Variants in RADIL observed in about 807,000 individuals in gnomAD.
RADIL encodes ras-associating and dilute domain-containing protein.
In RADIL, 99 loss-of-function variants were observed where a neutral mutation model predicts 97.6. The observed-to-expected ratio is 1.01, with a 90% CI of 0.86 to 1.20. The LOEUF (loss-of-function observed/expected upper bound fraction) is 1.20. Ranked by LOEUF, RADIL falls within the 50% of genes most tolerant of loss-of-function variation. The pLI is 0.00. For synonymous variants in RADIL, 803 were observed against 691.8 expected (o/e 1.16, Z -2.52); for missense variants, 1,765 against 1,498.9 (o/e 1.18, Z -2.93).
intron 2 of RADIL, among the ~76,000 whole-genome samples, chr7:4,846,974 G>A (rs1313353980): frequency 6.6e-6 from 1 of 151,932 alleles, no homozygotes; most frequent in South Asian, 2.1e-4. Context: ...GGGAAATGCA[G>A]AGGAAAACCA....
In RADIL at chr7:4,860,905, G is replaced by T. The variant is rs1783973321; in HGVS notation, c.535+16700C>A. On this transcript the variant is annotated intron_variant, in intron 2 of 14. Transcript: ENST00000399583. ...ACCTATCACTGGGATTTACTCTTGG[G>T]TCCCATACAGGCAAATTAAGATTCC... The T allele has an allele frequency of 1.9e-6, 3 of 1,614,170 alleles. No homozygotes were observed. In the South Asian group the frequency reaches 3.3e-5, roughly 18 times the overall value.
rs1048157416 is a variant in RADIL, at chr7:4,821,461, G to A, written c.1615+933C>T. 5.3e-5 allele frequency among the ~76,000 whole-genome samples: 8 copies of A among 152,154 alleles called. No homozygotes were observed. Among genetic ancestry groups the A allele is most frequent in the African/African-American group, 1.7e-4 (7 of 41,426 alleles). ...GACACATGAGCCGAAATCCTACCCC[G>A]GCTTCCGGGCCCGGCCCCATGCCAC... is the stretch of plus-strand genomic sequence containing the variant. On this transcript the variant is annotated intron_variant, in intron 6 of 14. Coordinates refer to ENST00000399583, the MANE Select transcript of RADIL (RefSeq NM_018059.5). The surrounding 1 kb of genome is among the most constrained non-coding windows in gnomAD (Gnocchi z 5.2).
intron 2 of RADIL, chr7:4,838,102 A>G (rs1253174172): frequency 2.1e-6 from 2 of 968,060 alleles, no homozygotes; most frequent in Admixed American, 6.2e-5. Context: ...GCCCAGCCGC[A>G]GTGCGAGGCT....
chr7:4,808,232 TCTCCCCGCTCCTCACC>T (rs1488159013), intron 9 of RADIL, among the ~76,000 whole-genome samples: 3 of 145,688 alleles, frequency 2.1e-5, no homozygotes, highest in African/African-American at 7.6e-5. Context: ...GCCCCCTCTC[TCTCCCCGCTCCTCACC>T]CTCCTCTCTG....
rs1782777984 is a variant in RADIL, at chr7:4,819,745, C to A, written c.1616-2394G>T. Among the ~76,000 whole-genome samples, 1 of 152,352 alleles carries A rather than the reference C, an allele frequency of 6.6e-6. No individual in the cohort carries two copies. Among genetic ancestry groups the A allele is most frequent in the South Asian group, 2.1e-4 (1 of 4,826 alleles). On this transcript the variant is annotated intron_variant, in intron 6 of 14. Coordinates refer to ENST00000399583, the MANE Select transcript of RADIL (RefSeq NM_018059.5). The surrounding 1 kb of genome is among the most constrained non-coding windows in gnomAD (Gnocchi z 5.8). ...GCAGAGGGTCGGGAGGCTGACGGGG[C>A]TCTGCCCCTCCGGCCCCTTCTAGGG...
At chr7:4,833,896 G>T (rs1397360307) in intron 4 of RADIL, among the ~76,000 whole-genome samples, 1 of 152,188 alleles carries the variant, frequency 6.6e-6, no homozygotes, top group African/African-American at 2.4e-5. Flanking sequence ...CATTGGCAAT[G>T]CCTGCAGCCA....
intron 10 of RADIL, among the ~76,000 whole-genome samples, chr7:4,804,525 G>T (rs777399916): frequency 7.9e-5 from 12 of 152,206 alleles, no homozygotes. Context: ...GGCGGCTCAC[G>T]CCTGTAATCC....
chr7:4,832,595 C>T (rs1252789705), intron 4 of RADIL, among the ~76,000 whole-genome samples: 1 of 151,802 alleles, frequency 6.6e-6, no homozygotes, highest in African/African-American at 2.4e-5. Flanking sequence ...AAAAATTAGC[C>T]GGGTGTGGTG....
intron 2 of RADIL, among the ~76,000 whole-genome samples, chr7:4,874,332 C>T (rs912288460): frequency 2.6e-5 from 4 of 152,258 alleles, no homozygotes; most frequent in African/African-American, 7.2e-5. Context: ...AAGGTCTGTG[C>T]GGGGTCATCC....
chr7:4,800,181 A>C lies in RADIL; in HGVS notation c.2972T>G (p.Ile991Ser), dbSNP rs759307045. 1.9e-6 allele frequency: 3 copies of C among 1,608,832 alleles called. No individual in the cohort carries two copies. Among genetic ancestry groups the C allele is most frequent in the Non-Finnish European group, 2.5e-6 (3 of 1,178,678 alleles). The change falls in exon 13 of 15, where the codon ATC becomes AGC. Residue 991 changes from isoleucine (I) to serine (S), a missense_variant. Physicochemically the swap from Ile to Ser is moderately radical, Grantham distance 142. Coordinates refer to ENST00000399583, the MANE Select transcript of RADIL (RefSeq NM_018059.5). ...RGPSGLGMGLIDGMHTHLGAP... is the reference protein window; with the variant it reads ...RGPSGLGMGLSDGMHTHLGAP... Reference sequence around the variant, plus strand: ...TCCTGGGCCACTCACCATCCCGTCGATCAGGCCCATCCCCAGCCCGGAGGG... The same window carrying C: ...TCCTGGGCCACTCACCATCCCGTCGCTCAGGCCCATCCCCAGCCCGGAGGG...
chr7:4,821,682 C>T lies in RADIL; in HGVS notation c.1615+712G>A, dbSNP rs546711516. On this transcript the variant is annotated intron_variant, in intron 6 of 14. Transcript: ENST00000399583. This position sits in a 1 kb window ranked among gnomAD's most constrained non-coding sequence, Gnocchi z 5.2. ...ACCAGCCTGGCAAACATGGTGAAAC[C>T]CCATCTCTACCAAAAATACAAAAAC... Among the ~76,000 whole-genome samples the T allele has an allele frequency of 6.6e-6, 1 of 152,020 alleles. No individual in the cohort carries two copies. Among genetic ancestry groups the T allele is most frequent in the South Asian group, 2.1e-4 (1 of 4,806 alleles).
In RADIL at chr7:4,800,154, G is replaced by T; in HGVS notation, c.2982+17C>A. 1 of 1,585,260 alleles carries T rather than the reference G, an allele frequency of 6.3e-7. No homozygotes were observed. Among genetic ancestry groups the T allele is most frequent in the Non-Finnish European group, 8.6e-7 (1 of 1,164,342 alleles). On this transcript the variant is annotated intron_variant, in intron 13 of 14. Transcript: ENST00000399583. ...GCAGCCAGTATGGGGGTGCGGCGAG[G>T]GTCCTGGGCCACTCACCATCCCGTC...
Position 4,822,271 on chromosome 7 carries a change from A to G in RADIL, c.1615+123T>C. 1 of 1,241,450 alleles carries G rather than the reference A, an allele frequency of 8.1e-7. No individual in the cohort carries two copies. Among genetic ancestry groups the G allele is most frequent in the Non-Finnish European group, 1.1e-6 (1 of 919,136 alleles). The allele number at this position is 1,241,450 out of a possible 1,614,324, so 76.9% of individuals were successfully genotyped here. ...ACACATGGCAGCCTAGGGACTGAGG[A>G]AGCCCCCGGCATGAATCCACCCCTG... is the stretch of plus-strand genomic sequence containing the variant. On this transcript the variant is annotated intron_variant, in intron 6 of 14. Transcript: ENST00000399583. The surrounding 1 kb of genome is among the most constrained non-coding windows in gnomAD (Gnocchi z 5.3).
rs1255512709 is a variant in RADIL, at chr7:4,834,990, G to A, written c.1033C>T (p.Leu345Phe). ...AGCAGGTAGTAGAGCCCCAGGGAGA[G>A]CAGGTCCCCGTGGTGCAGCACCACG... ...RTVVLHHGDLLSLGLYYLLLF... is the reference protein window; with the variant it reads ...RTVVLHHGDLFSLGLYYLLLF... Residue 345 changes from leucine (L) to phenylalanine (F), a missense_variant, in exon 4 of 15, where the codon CTC becomes TTC. By Grantham distance (22) the Leu-to-Phe change is conservative. Transcript: ENST00000399583. This position sits in a 1 kb window ranked among gnomAD's most constrained non-coding sequence, Gnocchi z 6.0. 8.7e-6 allele frequency: 14 copies of A among 1,611,232 alleles called. No individual in the cohort carries two copies. Among genetic ancestry groups the A allele is most frequent in the East Asian group, 4.5e-5 (2 of 44,848 alleles).
At chr7:4,808,489 C>G (rs1211537844) in intron 9 of RADIL, 1 of 801,528 alleles carries the variant, frequency 1.2e-6, no homozygotes. Context: ...TTATAGGGCC[C>G]CCAAGCTAGA....
chr7:4,859,935 G>C, intron 2 of RADIL: 1 of 1,613,658 alleles, frequency 6.2e-7, no homozygotes, highest in Admixed American at 1.7e-5. Flanking sequence ...GTTTCCTGAA[G>C]GTCTGGATGG....
chr7:4,809,368 C>T (rs1327056075), intron 9 of RADIL: 30 of 985,216 alleles, frequency 3.0e-5, no homozygotes, highest in Non-Finnish European at 3.6e-5. Flanking sequence ...TATCCCCGCC[C>T]GGCTGAGCGG....
chr7:4,802,735 G>A (rs533545256), intron 11 of RADIL, among the ~76,000 whole-genome samples: 1 of 111,102 alleles, frequency 9.0e-6, no homozygotes, highest in East Asian at 2.9e-4. Context: ...GGGCACGCTG[G>A]CTGGGCCCCC....
chr7:4,861,715 G>C, intron 2 of RADIL: 1 of 1,568,930 alleles, frequency 6.4e-7, no homozygotes, highest in Non-Finnish European at 8.6e-7. Context: ...CCGTCTCCTT[G>C]GGGACCGCTA....
Sources: gnomAD v4.1 joint callset for allele counts (sites outside exome capture counted in the v4.1 genomes callset) on GRCh38, gnomAD v4.1.1 for gene constraint, Gnocchi (gnomAD v3.1) non-coding constraint, MANE v1.5 for transcripts, NCBI Gene and HGNC (gene_info 2026-07-23, HGNC 2026-07-21) for gene names.